The following ERICH3 variants were observed in gnomAD, a reference collection of about 807,000 sequenced individuals.
The protein encoded by ERICH3 is glutamate-rich protein 3.
ERICH3 carries 126 observed loss-of-function variants against 131.1 expected under a neutral mutation model. The ratio of observed to expected loss-of-function variants is 0.96; its 90% CI spans 0.83 to 1.11. The LOEUF is 1.11. Ranked by LOEUF, ERICH3 falls within the 50% of genes most tolerant of loss-of-function variation. The probability of loss-of-function intolerance (pLI) is 0.00; values close to 1 mark genes in which losing one functional copy is unlikely to be tolerated. For synonymous variants in ERICH3, 695 were observed against 644.6 expected, an observed-to-expected ratio of 1.08 and a Z score of -1.18; for missense variants, 2,050 against 1,810.7, an observed-to-expected ratio of 1.13 and a Z score of -2.40.
At chr1:74,607,356 A>G (rs1648452273) in intron 9 of ERICH3, among the ~76,000 whole-genome samples, 1 of 152,006 alleles carries the variant, frequency 6.6e-6, no homozygotes, top group African/African-American at 2.4e-5. Context: ...AGAGAAGCTG[A>G]TATAAAAATG....
chr1:74,648,727 G>A (rs1646505999), intron 2 of ERICH3, among the ~76,000 whole-genome samples: 4 of 152,226 alleles, frequency 2.6e-5, no homozygotes, highest in Admixed American at 2.0e-4. Context: ...TTTGTGGAAA[G>A]AACAGTTGTG....
intron 1 of ERICH3, among the ~76,000 whole-genome samples, chr1:74,666,213 C>T (rs1386039998): frequency 2.6e-5 from 4 of 152,092 alleles, no homozygotes; most frequent in African/African-American, 9.7e-5. Flanking sequence ...CAGTAACCTG[C>T]TCATCGACCA....
rs768777212 is a variant in ERICH3 at position 74,636,381 on chromosome 1, G to C, written c.502C>G (p.Pro168Ala). 2.5e-6 allele frequency: 4 copies of C among 1,612,754 alleles called. No individual in the cohort carries two copies. The highest frequency in any genetic ancestry group is 2.7e-5 in the African/African-American group (2 of 74,866). ...TCTACTGCAGGATTACTGGGAAGAG[G>C]CTGTAATCGAATTGGAGGCTGCATA... ...GNMQPPIRLQ[P>A]LPSNPAVETV... is the part of the protein sequence containing the mutation. The change falls in exon 6 of 15, where the codon CCT becomes GCT. Residue 168 changes from proline to alanine, a missense_variant. By Grantham distance (27) the Pro-to-Ala change is conservative. Coordinates refer to ENST00000326665, the MANE Select transcript of ERICH3 (RefSeq NM_001002912.5).
chr1:74,598,612 C>A (rs1294353657), intron 11 of ERICH3, among the ~76,000 whole-genome samples: 1 of 151,534 alleles, frequency 6.6e-6, no homozygotes, highest in Non-Finnish European at 1.5e-5. Flanking sequence ...GTAAAGCAAG[C>A]AAAATATTCA....
intron 9 of ERICH3, among the ~76,000 whole-genome samples, chr1:74,608,448 G>A (rs537367058): frequency 6.6e-6 from 1 of 151,924 alleles, no homozygotes; most frequent in Non-Finnish European, 1.5e-5. Flanking sequence ...CAGAAGAATA[G>A]AAATAATATG....
chr1:74,649,888 G>C (rs1444010445), intron 1 of ERICH3, among the ~76,000 whole-genome samples: 1 of 152,038 alleles, frequency 6.6e-6, no homozygotes, highest in Non-Finnish European at 1.5e-5. Context: ...CTGGCGTGCT[G>C]TGTTGCCTTC....
In ERICH3 at chr1:74,643,074, T is replaced by C; in HGVS notation, c.268A>G (p.Lys90Glu). 6.2e-7 allele frequency: 1 copy of C among 1,611,326 alleles called. No homozygotes were observed. Among genetic ancestry groups the C allele is most frequent in the Non-Finnish European group, 8.5e-7 (1 of 1,178,426 alleles). Residue 90 changes from lysine (K) to glutamate (E), a missense_variant, in exon 4 of 15, where the codon AAG becomes GAG. Physicochemically the swap from Lys to Glu is moderately conservative, Grantham distance 56. Coordinates refer to ENST00000326665, the MANE Select transcript of ERICH3 (RefSeq NM_001002912.5). ...TTCCTAGCTAAGGTCTCCAATTTCT[T>C]TTTTATTTCAAGCTGATGGTAACGC... ...MERYHQLEIK[K>E]KLETLARKER...
intron 5 of ERICH3, among the ~76,000 whole-genome samples, 186 bp downstream of exon 5, chr1:74,641,145 A>G (rs112127751): frequency 2.0e-5 from 3 of 152,118 alleles, no homozygotes; most frequent in Non-Finnish European, 4.4e-5. Context: ...ATTTGGCAGT[A>G]GTGATATTGA....
rs574682907 is a variant in ERICH3, at chr1:74,659,043, T to C, written c.24-9728A>G. Among the ~76,000 whole-genome samples the C allele has an allele frequency of 7.2e-5, 11 of 152,320 alleles. No individual in the cohort carries two copies. The East Asian group carries it at 1.5e-3, about 21-fold the overall frequency. On this transcript the variant is annotated intron_variant, in intron 1 of 14. Coordinates refer to ENST00000326665, the MANE Select transcript of ERICH3 (RefSeq NM_001002912.5). ...TGTGCTCTGAAAGGAAAATATAACA[T>C]GGTTTAGAATCATAGAAGAAGTGCA...
intron 12 of ERICH3, among the ~76,000 whole-genome samples, chr1:74,588,902 C>G (rs1647458439): frequency 6.6e-6 from 1 of 152,146 alleles, no homozygotes; most frequent in African/African-American, 2.4e-5. Flanking sequence ...CAGAAAGTAA[C>G]TCAGTTTCAG....
chr1:74,634,139 C>A (rs527333746), intron 6 of ERICH3, among the ~76,000 whole-genome samples: 13 of 152,088 alleles, frequency 8.5e-5, no homozygotes, highest in African/African-American at 2.9e-4. Flanking sequence ...GAATATTATT[C>A]TTCTTTAAGA....
intron 1 of ERICH3, among the ~76,000 whole-genome samples, chr1:74,667,634 G>C (rs543739041): frequency 6.6e-6 from 1 of 152,140 alleles, no homozygotes; most frequent in Non-Finnish European, 1.5e-5. Context: ...ATTCAGAATT[G>C]AATCAGAAGT....
intron 9 of ERICH3, among the ~76,000 whole-genome samples, chr1:74,610,303 A>T (rs915178598): frequency 1.3e-5 from 2 of 151,188 alleles, no homozygotes; most frequent in South Asian, 4.2e-4. Context: ...CAGTTGATAA[A>T]TTTATGTATT....
intron 11 of ERICH3, among the ~76,000 whole-genome samples, chr1:74,597,247 C>G (rs1262564721): frequency 4.0e-5 from 6 of 151,828 alleles, no homozygotes; most frequent in Non-Finnish European, 7.4e-5. Flanking sequence ...CATGTTTATG[C>G]CTTGAATAAC....
At chr1:74,594,643 A>G (rs192924913) in intron 11 of ERICH3, among the ~76,000 whole-genome samples, 106 of 152,256 alleles carry the variant, frequency 7.0e-4, no homozygotes, top group African/African-American at 2.5e-3. Context: ...GCATGAGGGA[A>G]ATAGATCCAC....
chr1:74,665,766 T>C (rs1646686311), intron 1 of ERICH3, among the ~76,000 whole-genome samples: 1 of 152,108 alleles, frequency 6.6e-6, no homozygotes, highest in African/African-American at 2.4e-5. Context: ...TGATTTAACC[T>C]TAATTACCTC....
chr1:74,650,736 G>T (rs1344265543), intron 1 of ERICH3, among the ~76,000 whole-genome samples: 1 of 151,984 alleles, frequency 6.6e-6, no homozygotes, highest in East Asian at 1.9e-4. Context: ...CTTATACGTT[G>T]TTTATTTCTG....
At chr1:74,631,521 A>T (rs899803272) in intron 7 of ERICH3, among the ~76,000 whole-genome samples, 192 bp downstream of exon 7, 1 of 152,094 alleles carries the variant, frequency 6.6e-6, no homozygotes, top group Admixed American at 6.6e-5. Flanking sequence ...ATTATGCTAA[A>T]CTCATTATGC....
At chr1:74,579,633 G>T (rs758310760) in intron 12 of ERICH3, 1 of 984,560 alleles carries the variant, frequency 1.0e-6, no homozygotes, top group Non-Finnish European at 1.2e-6. Flanking sequence ...TTTCTCAGAT[G>T]TTCTTCTGAA....
Sources: gnomAD v4.1 joint callset for allele counts (sites outside exome capture counted in the v4.1 genomes callset) on GRCh38, gnomAD v4.1.1 for gene constraint, MANE v1.5 for transcripts, NCBI Gene and HGNC (gene_info 2026-07-23, HGNC 2026-07-21) for gene names.